The following LPA variants were observed in gnomAD, a reference collection of about 807,000 sequenced individuals.
LPA encodes lipoprotein(a).
A neutral mutation model predicts 197.9 loss-of-function variants in LPA; 199 were observed. The observed-to-expected ratio is 1.01, with a 90% CI of 0.90 to 1.13. LPA has a LOEUF of 1.13. Ranked by LOEUF, LPA falls within the 50% of genes most tolerant of loss-of-function variation. The pLI is 0.00. For missense variants in LPA, 1,853 were observed against 1,785.8 expected (o/e 1.04, Z -0.68); for synonymous variants, 715 against 639.5 (o/e 1.12, Z -1.78).
chr6:160,658,870 G>T (rs202246011), intron 1 of LPA, among the ~76,000 whole-genome samples: 2 of 31,462 alleles, frequency 6.4e-5, no homozygotes, highest in Non-Finnish European at 1.5e-4. Context: ...GAACTAATAG[G>T]AGATTATATA....
Position 160,556,414 on chromosome 6 carries a change from C to T in LPA, c.4814-230G>A, listed in dbSNP as rs1404921213. Among the ~76,000 whole-genome samples, 52 of 152,060 alleles carry T rather than the reference C, an allele frequency of 3.4e-4. 1 individual carries two copies. The highest frequency in any genetic ancestry group is 1.9e-4 in the East Asian group (1 of 5,160). ...CTGGTGGGAAAAGGACCTATCAGTG[C>T]TCTTACAATTGGAACAAAGACTCAT... On this transcript the variant is annotated intron_variant, in intron 29 of 38. Transcript: ENST00000316300.
intron 1 of LPA, among the ~76,000 whole-genome samples, chr6:160,659,228 G>C (rs983998929): frequency 6.6e-6 from 1 of 152,174 alleles, no homozygotes; most frequent in Non-Finnish European, 1.5e-5. Context: ...GCAGGGGCAG[G>C]GGCCTCAGGG....
intron 24 of LPA, among the ~76,000 whole-genome samples, chr6:160,588,697 C>A (rs1206223447): frequency 6.6e-6 from 1 of 152,194 alleles, no homozygotes; most frequent in Non-Finnish European, 1.5e-5. Flanking sequence ...AACACATCAG[C>A]TGCCTGAGGC....
intron 28 of LPA, among the ~76,000 whole-genome samples, chr6:160,557,945 A>C (rs1458703503): frequency 6.7e-6 from 1 of 149,194 alleles, no homozygotes. Context: ...TTTGTGACGG[A>C]GTCTCGCTCT....
chr6:160,565,217 C>G (rs1404914006), intron 28 of LPA, among the ~76,000 whole-genome samples: 1 of 152,218 alleles, frequency 6.6e-6, no homozygotes, highest in Non-Finnish European at 1.5e-5. Context: ...AATGGACAGA[C>G]TGCCTCCTCA....
At chr6:160,653,612 G>A (rs925894844) in intron 1 of LPA, among the ~76,000 whole-genome samples, 3 of 151,778 alleles carry the variant, frequency 2.0e-5, no homozygotes, top group African/African-American at 7.3e-5. Context: ...AAGAAGAGCT[G>A]ATATCAAGCC....
intron 32 of LPA, among the ~76,000 whole-genome samples, chr6:160,547,057 C>A (rs951579230): frequency 6.6e-6 from 1 of 152,152 alleles, no homozygotes; most frequent in African/African-American, 2.4e-5. Flanking sequence ...TTTTTCTGTG[C>A]ACCTGGGGTG....
At chr6:160,657,163 A>T (rs1012565578) in intron 1 of LPA, among the ~76,000 whole-genome samples, 2 of 152,168 alleles carry the variant, frequency 1.3e-5, no homozygotes, top group African/African-American at 4.8e-5. Flanking sequence ...GGCTCTTCAA[A>T]AATACAGGTG....
At chr6:160,545,345 C>G (rs1778048823) in intron 33 of LPA, 95 bp downstream of exon 33, 11 of 926,410 alleles carry the variant, frequency 1.2e-5, no homozygotes, top group African/African-American at 1.6e-5. Context: ...CCCAGAAGCA[C>G]TCAGCTCAAA....
Position 160,606,559 on chromosome 6 carries a change from T to C in LPA, c.2703A>G (p.Thr901=), listed in dbSNP as rs375411703. Residue 901 remains threonine (T), a synonymous_variant, in exon 17 of 39, where the codon ACA becomes ACG. Transcript: ENST00000316300. ...CAGTCCCTTCTGCGTCTGAGCATTG[T>C]GTCAGGTTGCAGTACTCCCACCTGA... The part of the protein sequence containing the change: ...PSVRWEYCNL[T]QCSDAEGTAV... 386 of 1,613,818 alleles carry C rather than the reference T, an allele frequency of 2.4e-4. 2 individuals carry two copies. The East Asian group carries it at 2.6e-3, about 11-fold the overall frequency.
intron 22 of LPA, among the ~76,000 whole-genome samples, chr6:160,591,324 T>G (rs1779025960): frequency 1.3e-5 from 2 of 152,168 alleles, no homozygotes; most frequent in South Asian, 4.1e-4. Context: ...TCGTCTATAC[T>G]CCATAAGAAA....
At chr6:160,595,018 A>G (rs1392477194) in intron 21 of LPA, among the ~76,000 whole-genome samples, 1 of 152,230 alleles carries the variant, frequency 6.6e-6, no homozygotes, top group African/African-American at 2.4e-5. Flanking sequence ...AAGGCTTATC[A>G]TGAGCTTGGT....
At chr6:160,610,874 C>A (rs943561896) in intron 16 of LPA, among the ~76,000 whole-genome samples, 10 of 152,118 alleles carry the variant, frequency 6.6e-5, no homozygotes, top group Admixed American at 6.5e-4. Flanking sequence ...TCTGTTGTCC[C>A]ACATGTAGAA....
intron 18 of LPA, among the ~76,000 whole-genome samples, chr6:160,601,359 G>A (rs754858327): frequency 1.2e-4 from 18 of 152,062 alleles, no homozygotes; most frequent in Non-Finnish European, 2.4e-4. Flanking sequence ...ATACATACAT[G>A]TGGCCAAAAA....
At chr6:160,557,360 T>A (rs1778281314) in intron 29 of LPA, 30 bp downstream of exon 29, 2 of 1,612,288 alleles carry the variant, frequency 1.2e-6, no homozygotes, top group African/African-American at 2.7e-5. Flanking sequence ...AATGTTCAAA[T>A]GTGTAGATAT....
Position 160,599,464 on chromosome 6 carries a change from C to A in LPA, c.3287+36G>T, listed in dbSNP as rs777306756. ...CTCTTCTAACAGAAACTTCCATTGG[C>A]CCTTCCTTCGCTTATGGTAAAGAAC... is the stretch of plus-strand genomic sequence containing the variant. On this transcript the variant is annotated intron_variant, in intron 20 of 38. Transcript: ENST00000316300. 12 of 1,611,710 alleles carry A rather than the reference C, an allele frequency of 7.4e-6. No individual in the cohort carries two copies. In the African/African-American group the frequency reaches 1.2e-4, roughly 16 times the overall value.
rs767721027 is a variant in LPA at position 160,577,258 on chromosome 6, G to T, written c.4509C>A (p.Tyr1503Ter). Residue 1503 changes from tyrosine (Y) to a stop codon, truncating the protein, a stop_gained, in exon 28 of 39, where the codon TAC becomes TAA. Coordinates refer to ENST00000316300, the MANE Select transcript of LPA (RefSeq NM_005577.4). LOFTEE classifies it high-confidence loss of function. Reference sequence around the variant, plus strand: ...CTCGATAACTCCGTCCATCACCATGGTAGCAATCCTGGACCACAGGGCTTT... The same window carrying T: ...CTCGATAACTCCGTCCATCACCATGTTAGCAATCCTGGACCACAGGGCTTT... ...PEKSPVVQDC[Y>*]HGDGRSYRGI... 6.8e-6 allele frequency: 11 copies of T among 1,613,830 alleles called. No homozygotes were observed. The highest frequency in any genetic ancestry group is 9.3e-6 in the Non-Finnish European group (11 of 1,179,824).
Position 160,649,036 on chromosome 6 carries a change from T to C in LPA, c.209+1302A>G, listed in dbSNP as rs188960113. Among the ~76,000 whole-genome samples the C allele has an allele frequency of 6.6e-5, 10 of 152,340 alleles. No individual in the cohort carries two copies. In the East Asian group the frequency reaches 1.9e-3, roughly 29 times the overall value. On this transcript the variant is annotated intron_variant, in intron 2 of 38. Coordinates refer to ENST00000316300, the MANE Select transcript of LPA (RefSeq NM_005577.4). ...TGACTTTGATGTTTACCTCTAAAGA[T>C]GGTTGAGTTTTCCTCTCAGAGGCAG... is the stretch of plus-strand genomic sequence containing the variant.
chr6:160,541,429 GAGAGC>G (rs554102623), intron 34 of LPA, among the ~76,000 whole-genome samples: 63 of 152,298 alleles, frequency 4.1e-4, no homozygotes, highest in African/African-American at 1.5e-3. Flanking sequence ...CTGTCCCCAG[GAGAGC>G]AAAGCTAAGT....
Sources: allele counts gnomAD v4.1 joint callset (sites outside exome capture counted in the v4.1 genomes callset), GRCh38; gene constraint gnomAD v4.1.1; transcripts MANE v1.5; gene names NCBI Gene and HGNC (gene_info 2026-07-23, HGNC 2026-07-21).